Variants in LGR6 observed in about 807,000 individuals in gnomAD.
The protein encoded by LGR6 is leucine rich repeat containing G protein-coupled receptor 6, also known as leucine-rich repeat-containing G protein-coupled receptor 6.
A neutral mutation model predicts 69.4 loss-of-function variants in LGR6; 45 were observed. The ratio of observed to expected loss-of-function variants is 0.65; its 90% confidence interval spans 0.51 to 0.83. The LOEUF (loss-of-function observed/expected upper bound fraction) is 0.83. Among genes scored for constraint, LGR6 ranks in the 40% least tolerant of loss-of-function variants. The probability of loss-of-function intolerance (pLI) is 0.00; values close to 1 mark genes in which losing one functional copy is unlikely to be tolerated. For missense variants in LGR6, 1,108 were observed against 1,246.7 expected, an observed-to-expected ratio of 0.89 and a Z score of 1.68; for synonymous variants, 538 against 555.0, an observed-to-expected ratio of 0.97 and a Z score of 0.43.
Position 202,225,456 on chromosome 1 carries a change from G to C in LGR6, c.246G>C (p.Gln82His). Residue 82 changes from glutamine (Q) to histidine (H), a missense_variant, in exon 2 of 18, where the codon CAG (glutamine) becomes CAC (histidine). Coordinates refer to ENST00000367278, the MANE Select transcript of LGR6 (RefSeq NM_001017403.2). ...DLSMNNLTEL[Q>H]PGLFHHLRFL... ...GCATGAACAACCTCACAGAGCTTCA[G>C]CCTGGCCTCTTCCACCACCTGCGCT... 6.2e-7 allele frequency: 1 copy of C among 1,614,044 alleles called. No individual in the cohort carries two copies. The highest frequency in any genetic ancestry group is 8.5e-7 in the Non-Finnish European group (1 of 1,179,918).
chr1:202,265,605 AAC>A (rs1163152859), intron 4 of LGR6, among the ~76,000 whole-genome samples: 1 of 152,196 alleles, frequency 6.6e-6, no homozygotes, highest in Non-Finnish European at 1.5e-5. Flanking sequence ...GAACTCAAAG[AAC>A]ACCGGACTCA....
chr1:202,318,312 C>T lies in LGR6; in HGVS notation c.2009C>T (p.Ser670Phe). Residue 670 changes from serine to phenylalanine, a missense_variant, in exon 18 of 18, where the codon TCC (serine) becomes TTC (phenylalanine). By Grantham distance (155) the Ser-to-Phe change is radical. Coordinates refer to ENST00000367278, the MANE Select transcript of LGR6 (RefSeq NM_001017403.2). ...CTGGCCGCAGTGCAGTGCAGCGTCT[C>T]CGTCTCCTGTGTCCGGGCCTATGGG... is the stretch of plus-strand genomic sequence containing the variant. ...LTLAAVQCSVSVSCVRAYGKS... is the reference protein window; with the variant it reads ...LTLAAVQCSVFVSCVRAYGKS... 2 of 1,594,246 alleles carry T rather than the reference C, an allele frequency of 1.3e-6. No homozygotes were observed. Among genetic ancestry groups the T allele is most frequent in the Non-Finnish European group, 8.6e-7 (1 of 1,169,408 alleles).
rs190135718 is a variant in LGR6 at position 202,237,233 on chromosome 1, C to T, written c.428+1240C>T. 2.4e-3 allele frequency among the ~76,000 whole-genome samples: 361 copies of T among 152,364 alleles called. 1 individual carries two copies. Among genetic ancestry groups the T allele is most frequent in the Admixed American group, 8.5e-3 (130 of 15,304 alleles). On this transcript the variant is annotated intron_variant, in intron 4 of 17. Transcript: ENST00000367278. ...GCGTCTGGCCCCAGCCCTCTCCTCT[C>T]CCTCCATCCAGCCTCACCCCTGGAC...
chr1:202,278,027 A>C (rs1167421069), intron 5 of LGR6, among the ~76,000 whole-genome samples: 1 of 152,080 alleles, frequency 6.6e-6, no homozygotes, highest in African/African-American at 2.4e-5. Context: ...AAGAAGCTGG[A>C]AAGGTGCATG....
chr1:202,222,845 G>A (rs549791283), intron 1 of LGR6, among the ~76,000 whole-genome samples: 86 of 152,310 alleles, frequency 5.6e-4, no homozygotes, highest in Non-Finnish European at 8.7e-4. Flanking sequence ...GCTCTCTCCT[G>A]TAATCCCAGC....
intron 10 of LGR6, 58 bp downstream of exon 10, chr1:202,303,405 C>T: frequency 3.0e-6 from 4 of 1,335,502 alleles, no homozygotes; most frequent in East Asian, 2.3e-5. Context: ...CCCAAGAGCT[C>T]TTCCACTCCC....
chr1:202,297,785 C>T (rs967714147), intron 7 of LGR6, among the ~76,000 whole-genome samples: 2 of 150,002 alleles, frequency 1.3e-5, no homozygotes, highest in East Asian at 4.1e-4. Context: ...CGGGCACTTC[C>T]TGGGGGTGTG....
At chr1:202,266,090 A>G (rs148983964) in intron 4 of LGR6, among the ~76,000 whole-genome samples, 10 of 143,698 alleles carry the variant, frequency 7.0e-5, no homozygotes, top group African/African-American at 2.5e-4. Context: ...AGGCTACCTA[A>G]TAATACTTTC....
At position 202,310,367 on chromosome 1, in the gene LGR6, C is replaced by T. The variant is rs1355774836; in HGVS notation, c.1567+10C>T. ...CAAGCAGAGAACCACTGTGAGTGAC[C>T]AGGGGCCCTGGGTTGGGGAGGGTAG... On this transcript the variant is annotated intron_variant, in intron 16 of 17. Transcript: ENST00000367278. The T allele has an allele frequency of 1.9e-6, 3 of 1,612,744 alleles. No individual in the cohort carries two copies. The highest frequency in any genetic ancestry group is 2.5e-6 in the Non-Finnish European group (3 of 1,179,794).
chr1:202,275,509 G>A (rs1290101583), intron 4 of LGR6, among the ~76,000 whole-genome samples: 1 of 152,132 alleles, frequency 6.6e-6, no homozygotes, highest in Non-Finnish European at 1.5e-5. Context: ...CTCTGGTTAT[G>A]CACAAGCAGG....
Position 202,276,500 on chromosome 1 carries a change from A to C in LGR6, c.623A>C (p.Asn208Thr), listed in dbSNP as rs1374802627. 1 of 1,613,850 alleles carries C rather than the reference A, an allele frequency of 6.2e-7. No homozygotes were observed. The highest frequency in any genetic ancestry group is 8.5e-7 in the Non-Finnish European group (1 of 1,179,876). Residue 208 changes from asparagine (N) to threonine (T), a missense_variant, in exon 5 of 18, where the codon AAT (asparagine) becomes ACT (threonine). Coordinates refer to ENST00000367278, the MANE Select transcript of LGR6 (RefSeq NM_001017403.2). Reference sequence around the variant, plus strand: ...CACATCCCCGACTACGCGTTCCAGAATCTCACCAGCCTTGTGGTGCTGTGA... The same window carrying C: ...CACATCCCCGACTACGCGTTCCAGACTCTCACCAGCCTTGTGGTGCTGTGA... ...ISHIPDYAFQ[N>T]LTSLVVLHLH...
intron 3 of LGR6, among the ~76,000 whole-genome samples, chr1:202,235,186 C>G (rs1661433383): frequency 6.6e-6 from 1 of 152,194 alleles, no homozygotes; most frequent in Admixed American, 6.5e-5. Context: ...TCCCCTTGTA[C>G]ATGCTCTCTG....
chr1:202,219,131 C>G (rs1240627191), intron 1 of LGR6, among the ~76,000 whole-genome samples: 1 of 152,210 alleles, frequency 6.6e-6, no homozygotes, highest in Non-Finnish European at 1.5e-5. Context: ...CTCTTGTTGA[C>G]AGAAAAATTC....
intron 1 of LGR6, chr1:202,194,613 C>T (rs375511680): frequency 4.1e-4 from 219 of 532,606 alleles, no homozygotes; most frequent in Admixed American, 1.3e-3. Context: ...GTGAGGGGAG[C>T]GTGCCCCAGT....
chr1:202,213,962 T>C, intron 1 of LGR6: 1 of 799,710 alleles, frequency 1.3e-6, no homozygotes, highest in East Asian at 1.3e-4. Context: ...GTATTTTAGA[T>C]CCAGATCTTG....
In LGR6 at chr1:202,235,964, G is replaced by T. The variant is rs767577005; in HGVS notation, c.399G>T (p.Ala133=). ...AGCTGGGAGGAATCCCCGCAGAGGC[G>T]CTGTGGGAGCTGCCGAGCCTGCAGT... ...NNQLGGIPAE[A]LWELPSLQSL... The change falls in exon 4 of 18, where the codon GCG becomes GCT. Residue 133 remains alanine (A), a synonymous_variant. Coordinates refer to ENST00000367278, the MANE Select transcript of LGR6 (RefSeq NM_001017403.2). 6.2e-7 allele frequency: 1 copy of T among 1,613,860 alleles called. No individual in the cohort carries two copies. Among genetic ancestry groups the T allele is most frequent in the Non-Finnish European group, 8.5e-7 (1 of 1,179,968 alleles).
intron 4 of LGR6, among the ~76,000 whole-genome samples, chr1:202,274,622 G>T (rs1665387258): frequency 6.6e-6 from 1 of 152,194 alleles, no homozygotes. Context: ...TCCAGGTTCT[G>T]ATTTAGTAAG....
chr1:202,314,772 G>A, intron 16 of LGR6, 30 bp from the exon 17 acceptor site: 4 of 1,553,972 alleles, frequency 2.6e-6, no homozygotes, highest in Non-Finnish European at 3.6e-6. Context: ...CAAGACCCAG[G>A]ACCCTGCATC....
intron 1 of LGR6, among the ~76,000 whole-genome samples, chr1:202,208,966 A>C (rs1031684696): frequency 4.6e-5 from 7 of 152,042 alleles, no homozygotes; most frequent in Admixed American, 1.3e-4. Flanking sequence ...TGGCCTGGGG[A>C]GCCCTTCTGA....
Sources: allele counts gnomAD v4.1 joint callset (sites outside exome capture counted in the v4.1 genomes callset), GRCh38; gene constraint gnomAD v4.1.1; transcripts MANE v1.5; gene names NCBI Gene and HGNC (gene_info 2026-07-23, HGNC 2026-07-21).